The following PRKDC variants were observed in gnomAD, a reference collection of about 807,000 sequenced individuals.
The protein encoded by PRKDC is DNA-dependent protein kinase catalytic subunit.
A neutral mutation model predicts 486.9 loss-of-function variants in PRKDC; 82 were observed. That is an observed-to-expected ratio of 0.17 (90% CI 0.14 to 0.20). The LOEUF (loss-of-function observed/expected upper bound fraction) is 0.20. Ranked by LOEUF, PRKDC falls within the 10% of genes least tolerant of loss-of-function variation. PRKDC has a pLI of 1.00. For synonymous variants in PRKDC, 1,895 were observed against 1,837.0 expected (o/e 1.03, Z -0.81); for missense variants, 4,504 against 5,038.2 (o/e 0.89, Z 3.21).
At chr8:47,894,007 G>A (rs1417826126) in intron 30 of PRKDC, among the ~76,000 whole-genome samples, 1 of 152,154 alleles carries the variant, frequency 6.6e-6, no homozygotes, top group Admixed American at 6.5e-5. Context: ...TCAGCCGGGG[G>A]TGGTGGCTCA....
At chr8:47,925,022 C>A (rs1040154216) in intron 21 of PRKDC, among the ~76,000 whole-genome samples, 4 of 152,222 alleles carry the variant, frequency 2.6e-5, no homozygotes, top group African/African-American at 9.6e-5. Context: ...GCTGTCCCAA[C>A]ACGTGGGTGC....
intron 25 of PRKDC, among the ~76,000 whole-genome samples, chr8:47,911,725 G>C (rs769861660): frequency 3.0e-4 from 45 of 152,038 alleles, no homozygotes; most frequent in Non-Finnish European, 5.9e-4. Flanking sequence ...TGTCCATAAA[G>C]TCATAGTATA....
At chr8:47,903,228 T>A (rs2089718823) in intron 26 of PRKDC, among the ~76,000 whole-genome samples, 1 of 152,178 alleles carries the variant, frequency 6.6e-6, no homozygotes, top group Non-Finnish European at 1.5e-5. Context: ...CCAAAGAAAC[T>A]GTACTGCTCC....
chr8:47,954,873 T>TC (rs2090676942), intron 4 of PRKDC, among the ~76,000 whole-genome samples: 1 of 152,136 alleles, frequency 6.6e-6, no homozygotes, highest in Non-Finnish European at 1.5e-5. Context: ...ATCAACTGAT[T>TC]CCCGCCAGAC....
rs766086667 is a variant in PRKDC at position 47,939,709 on chromosome 8, T to C, written c.967-12A>G. 1.9e-6 allele frequency: 3 copies of C among 1,559,700 alleles called. No individual in the cohort carries two copies. Among genetic ancestry groups the C allele is most frequent in the Admixed American group, 2.0e-5 (1 of 51,014 alleles). ...ACCATATTAGAAACCTGCAAATACA[T>C]AATATTTATTTTTTTGGAAATATTT... On this transcript the variant is annotated splice_polypyrimidine_tract_variant and intron_variant, in intron 10 of 85. Coordinates refer to ENST00000314191, the MANE Select transcript of PRKDC (RefSeq NM_006904.7).
chr8:47,896,230 A>G lies in PRKDC; in HGVS notation c.3598+931T>C, dbSNP rs1032209159. Among the ~76,000 whole-genome samples, 89 of 151,896 alleles carry G rather than the reference A, an allele frequency of 5.9e-4. 1 individual carries two copies. Among genetic ancestry groups the G allele is most frequent in the Non-Finnish European group, 5.9e-5 (4 of 67,988 alleles). Reference sequence around the variant, plus strand: ...ACATACTCTATAGTATATAATATGTAGTATATAACATTATAATATATCCTA... The same window carrying G: ...ACATACTCTATAGTATATAATATGTGGTATATAACATTATAATATATCCTA... On this transcript the variant is annotated intron_variant, in intron 30 of 85. Coordinates refer to ENST00000314191, the MANE Select transcript of PRKDC (RefSeq NM_006904.7).
chr8:47,890,532 A>G lies in PRKDC; in HGVS notation c.3848-52T>C, dbSNP rs369143322. 82 of 1,357,742 alleles carry G rather than the reference A, an allele frequency of 6.0e-5. No individual in the cohort carries two copies. The African/African-American group carries it at 1.1e-3, about 18-fold the overall frequency. The allele number at this position is 1,357,742 out of a possible 1,614,324, so 84.1% of individuals were successfully genotyped here. ...ATATATGCTTCCTTTCAACTCCACT[A>G]AGATTAACATAAAATTGCTTCTGTA... On this transcript the variant is annotated intron_variant, in intron 31 of 85. Transcript: ENST00000314191.
rs1164317525 is a variant in PRKDC, at chr8:47,854,011, C to T, written c.6893+72G>A. On this transcript the variant is annotated intron_variant, in intron 51 of 85. Transcript: ENST00000314191. ...GGTCTGGTCCTTAAAATTATCAAAA[C>T]TGCACCATACTGAAGTCTGTCAATC... 3.2e-6 allele frequency: 5 copies of T among 1,558,888 alleles called. No individual in the cohort carries two copies. The East Asian group carries it at 1.1e-4, about 36-fold the overall frequency.
In PRKDC at chr8:47,920,418, TATA is replaced by T. The variant is rs1321762751; in HGVS notation, c.2420-2038_2420-2036del. Among the ~76,000 whole-genome samples the T allele has an allele frequency of 2.6e-5, 4 of 152,230 alleles. No homozygotes were observed. The East Asian group carries it at 5.8e-4, about 22-fold the overall frequency. ...ACAAAGGCCTATATCTAATTTTGTGTATAATGTTCTCCTGTATTTGGGGGGTAT... is the reference window on the plus strand; with the variant it reads ...ACAAAGGCCTATATCTAATTTTGTGTATGTTCTCCTGTATTTGGGGGGTAT... On this transcript the variant is annotated intron_variant, in intron 21 of 85. Coordinates refer to ENST00000314191, the MANE Select transcript of PRKDC (RefSeq NM_006904.7).
In PRKDC at chr8:47,836,434, G is replaced by A. The variant is rs371346677; in HGVS notation, c.7855C>T (p.Arg2619Cys). The A allele has an allele frequency of 1.4e-5, 23 of 1,612,822 alleles. No homozygotes were observed. The highest frequency in any genetic ancestry group is 1.6e-4 in the Middle Eastern group (1 of 6,080). Residue 2619 changes from arginine (R) to cysteine (C), a missense_variant, in exon 58 of 86, where the codon CGT becomes TGT. Around this residue, in one of 6 missense-constraint regions of PRKDC, gnomAD observed 1,592 missense variants for 1,724.6 expected, o/e 0.92. Transcript: ENST00000314191. ...TQASQGTLQT[R>C]TQEGSLSARW... ...GCTGAGAGGGACCCTTCCTGGGTAC[G>A]GGTCTGGAGAGTGCCCTGGGAGGCC...
chr8:47,940,994 G>T (rs992066340), intron 10 of PRKDC, among the ~76,000 whole-genome samples: 1 of 152,094 alleles, frequency 6.6e-6, no homozygotes, highest in African/African-American at 2.4e-5. Flanking sequence ...TCCAGGCACG[G>T]TGGCAGGTGC....
chr8:47,958,252 G>A (rs763240937), intron 1 of PRKDC, among the ~76,000 whole-genome samples: 1 of 152,178 alleles, frequency 6.6e-6, no homozygotes, highest in Non-Finnish European at 1.5e-5. Flanking sequence ...CCAAGGAAAG[G>A]GGACAGCTTC....
chr8:47,904,724 C>T (rs186098355), intron 26 of PRKDC, 145 bp downstream of exon 26: 501 of 577,102 alleles, frequency 8.7e-4, no homozygotes, highest in Middle Eastern at 5.1e-3. Context: ...TCCTGGGAGG[C>T]GCAGGTTGCA....
intron 72 of PRKDC, 76 bp from the exon 73 acceptor site, chr8:47,798,473 A>C: frequency 7.1e-7 from 1 of 1,408,282 alleles, no homozygotes; most frequent in Non-Finnish European, 9.4e-7. Context: ...AAATGCTAAC[A>C]CTTTCCCTTT....
At chr8:47,910,301 C>T (rs1307821437) in intron 25 of PRKDC, among the ~76,000 whole-genome samples, 1 of 152,232 alleles carries the variant, frequency 6.6e-6, no homozygotes, top group Non-Finnish European at 1.5e-5. Flanking sequence ...CCCTCTACAG[C>T]AGTGTAAAGG....
At chr8:47,820,381 A>G (rs750245146) in intron 66 of PRKDC, among the ~76,000 whole-genome samples, 28 of 152,084 alleles carry the variant, frequency 1.8e-4, no homozygotes, top group Middle Eastern at 3.4e-3. Flanking sequence ...TGGTCTCAAA[A>G]AACAAACAAA....
intron 30 of PRKDC, among the ~76,000 whole-genome samples, chr8:47,895,272 C>T (rs2089552330): frequency 6.6e-6 from 1 of 152,132 alleles, no homozygotes; most frequent in Non-Finnish European, 1.5e-5. Context: ...AGAAAGGTGG[C>T]TACACCCTGC....
chr8:47,957,294 T>C (rs1480085000), intron 2 of PRKDC, 31 bp from the exon 3 acceptor site: 16 of 1,580,048 alleles, frequency 1.0e-5, no homozygotes, highest in Non-Finnish European at 1.4e-5. Flanking sequence ...ATTGTAAATA[T>C]GGGTAAGAGG....
At chr8:47,865,239 A>C (rs187082769) in intron 40 of PRKDC, among the ~76,000 whole-genome samples, 414 of 151,886 alleles carry the variant, frequency 2.7e-3, no homozygotes, top group Middle Eastern at 0.014. Flanking sequence ...TACAAAAATT[A>C]GCTGGGCGTG....
Sources: allele counts gnomAD v4.1 joint callset (sites outside exome capture counted in the v4.1 genomes callset), GRCh38; gene constraint gnomAD v4.1.1; regional missense constraint gnomAD v4.1.1; transcripts MANE v1.5; gene names NCBI Gene and HGNC (gene_info 2026-07-23, HGNC 2026-07-21).